The following CHODL variants were observed in gnomAD, a reference collection of about 807,000 sequenced individuals.
CHODL encodes the protein chondrolectin.
Under a neutral mutation model 34.5 loss-of-function variants are expected in CHODL, and 29 were observed. The ratio of observed to expected loss-of-function variants is 0.84; its 90% confidence interval spans 0.63 to 1.15. The LOEUF (loss-of-function observed/expected upper bound fraction) is 1.15, where lower values mean the gene tolerates loss of function less well. CHODL is among the 50% of genes most tolerant of loss of function. CHODL has a pLI of 0.00. For synonymous variants in CHODL, 125 were observed against 116.1 expected (o/e 1.08, Z -0.49); for missense variants, 332 against 332.5 (o/e 1.00, Z 0.01).
At chr21:18,192,872 A>C (rs1226233800) in intron 2 of CHODL, among the ~76,000 whole-genome samples, 2 of 151,576 alleles carry the variant, frequency 1.3e-5, no homozygotes, top group Non-Finnish European at 2.9e-5. Flanking sequence ...AAATTTATGA[A>C]AAGAAAAGAA....
chr21:18,051,678 A>C (rs1337825311), intron 2 of CHODL, among the ~76,000 whole-genome samples: 5 of 151,922 alleles, frequency 3.3e-5, no homozygotes, highest in African/African-American at 1.2e-4. Context: ...ATTTTAAGAA[A>C]TGTTTGGTTC....
intron 1 of CHODL, among the ~76,000 whole-genome samples, chr21:17,985,478 A>G (rs1173463849): frequency 6.6e-6 from 1 of 152,202 alleles, no homozygotes; most frequent in Non-Finnish European, 1.5e-5. Context: ...TCACAAGGTC[A>G]TGGGATAATG....
intron 2 of CHODL, among the ~76,000 whole-genome samples, chr21:18,107,712 T>C (rs910836465): frequency 6.6e-6 from 1 of 152,228 alleles, no homozygotes; most frequent in African/African-American, 2.4e-5. Context: ...CCCTATTGTC[T>C]ATAAGACCTG....
chr21:18,246,889 C>A (rs970117902), intron 1 of CHODL, among the ~76,000 whole-genome samples: 15 of 152,024 alleles, frequency 9.9e-5, no homozygotes, highest in African/African-American at 3.4e-4. Flanking sequence ...TCTTATTAAG[C>A]ATTTATAGGC....
At chr21:18,209,934 T>G (rs1395458724) in intron 2 of CHODL, among the ~76,000 whole-genome samples, 1 of 152,098 alleles carries the variant, frequency 6.6e-6, no homozygotes. Flanking sequence ...TCTCCTTTTC[T>G]CAAGTGGAAG....
At chr21:18,141,842 G>T (rs17002394) in intron 2 of CHODL, among the ~76,000 whole-genome samples, 4,740 of 152,122 alleles carry the variant, frequency 0.031, 243 homozygotes, top group African/African-American at 0.11. Context: ...CAGGAAGCGT[G>T]TCAAGAAACT....
intron 2 of CHODL, among the ~76,000 whole-genome samples, chr21:18,185,940 C>CTTCTAATACCATCTAAT (rs2073435774): frequency 6.6e-6 from 1 of 152,138 alleles, no homozygotes; most frequent in African/African-American, 2.4e-5. Context: ...CCAAAGGTCC[C>CTTCTAATACCATCTAAT]ACCTTCTAAT....
chr21:17,984,304 C>T (rs1240628739), intron 1 of CHODL, among the ~76,000 whole-genome samples: 1 of 152,104 alleles, frequency 6.6e-6, no homozygotes. Context: ...TATATCTTGG[C>T]TATTATAAAT....
chr21:18,214,346 C>T (rs7279186), intron 2 of CHODL, among the ~76,000 whole-genome samples: 11,823 of 152,052 alleles, frequency 0.078, 576 homozygotes, highest in African/African-American at 0.14. Flanking sequence ...TAATATGGTT[C>T]AGTTTGTTCC....
At chr21:18,205,808 C>T (rs2073705560) in intron 2 of CHODL, among the ~76,000 whole-genome samples, 1 of 149,952 alleles carries the variant, frequency 6.7e-6, no homozygotes, top group South Asian at 2.1e-4. Context: ...GCGATCTCAG[C>T]TCACTGCAAC....
intron 1 of CHODL, among the ~76,000 whole-genome samples, chr21:17,981,238 G>A (rs1299436427): frequency 6.6e-6 from 1 of 152,150 alleles, no homozygotes; most frequent in Non-Finnish European, 1.5e-5. Flanking sequence ...ACGTGTAGGT[G>A]CTGCTAGAAG....
Position 18,266,234 on chromosome 21 carries a change from G to C in CHODL, c.*196G>C. ...AAGAATATGCTGTGCTAATAATGGA[G>C]TGAGACATGCTTATTTTGCTAAAGG... On this transcript the variant is annotated 3_prime_UTR_variant, in exon 6 of 6. Transcript: ENST00000299295. The C allele has an allele frequency of 6.7e-7, 1 of 1,493,760 alleles. No individual in the cohort carries two copies. The highest frequency in any genetic ancestry group is 2.3e-5 in the Admixed American group (1 of 44,164). The allele number at this position is 1,493,760 out of a possible 1,614,324, so 92.5% of individuals were successfully genotyped here.
At chr21:18,002,021 T>C (rs2063911874) in intron 1 of CHODL, among the ~76,000 whole-genome samples, 1 of 152,222 alleles carries the variant, frequency 6.6e-6, no homozygotes, top group African/African-American at 2.4e-5. Context: ...CAGCTGTTTA[T>C]TGCTGCCCGT....
At chr21:18,014,759 C>G (rs866982635) in intron 1 of CHODL, among the ~76,000 whole-genome samples, 4 of 152,222 alleles carry the variant, frequency 2.6e-5, no homozygotes, top group African/African-American at 9.6e-5. Context: ...TTCCTGAGGT[C>G]TCTTCAGAAG....
intron 2 of CHODL, among the ~76,000 whole-genome samples, chr21:18,038,303 T>C (rs2064334790): frequency 6.6e-6 from 1 of 151,728 alleles, no homozygotes; most frequent in South Asian, 2.1e-4. Context: ...AGAAGATATA[T>C]TCCACATGTA....
chr21:18,265,275 G>A (rs1001985364), intron 5 of CHODL, among the ~76,000 whole-genome samples: 1 of 119,252 alleles, frequency 8.4e-6, no homozygotes, highest in Admixed American at 7.5e-5. Context: ...ATATATATGT[G>A]TGTGTATATA....
intron 2 of CHODL, among the ~76,000 whole-genome samples, chr21:18,192,705 T>A (rs1336918126): frequency 6.6e-6 from 1 of 152,158 alleles, no homozygotes; most frequent in African/African-American, 2.4e-5. Flanking sequence ...GTAGCTTTAT[T>A]ATTCAACATG....
intron 2 of CHODL, among the ~76,000 whole-genome samples, chr21:18,200,961 C>G (rs944881685): frequency 1.4e-4 from 22 of 152,064 alleles, no homozygotes; most frequent in Admixed American, 2.0e-4. Flanking sequence ...TCCCCAGAAC[C>G]GTCAGAAGGA....
At position 18,267,174 on chromosome 21, in the gene CHODL, G is replaced by T. The variant is rs1051526; in HGVS notation, c.*1136G>T. The stretch of plus-strand genomic sequence containing the variant: ...GGAACTACGAAATCGTGTGAAAATG[G>T]GTTGGAACCCATCAGTGATCGCATA... On this transcript the variant is annotated 3_prime_UTR_variant, in exon 6 of 6. Transcript: ENST00000299295. 0.21 allele frequency: 31,256 copies of T among 152,128 alleles called. 3,430 individuals are homozygous for T. Among genetic ancestry groups the T allele is most frequent in the African/African-American group, 0.28 (11,472 of 41,498 alleles). The allele number at this position is 152,128 out of a possible 1,614,324, so 9.4% of individuals were successfully genotyped here. A position where few individuals can be genotyped will look rare whatever the true frequency, so the allele number is the denominator to read the frequency against.
Sources: allele counts gnomAD v4.1 joint callset (sites outside exome capture counted in the v4.1 genomes callset), GRCh38; gene constraint gnomAD v4.1.1; transcripts MANE v1.5; gene names NCBI Gene and HGNC (gene_info 2026-07-23, HGNC 2026-07-21).